The following FRMD4B variants were observed in gnomAD, a reference collection of about 807,000 sequenced individuals.
FRMD4B encodes FERM domain containing 4B, also known as FERM domain-containing protein 4B.
In FRMD4B, 74 loss-of-function variants were observed where a neutral mutation model predicts 141.5. That is an observed-to-expected ratio of 0.52 (90% CI 0.43 to 0.63). FRMD4B has a LOEUF of 0.63. Ranked by LOEUF, FRMD4B falls within the 30% of genes least tolerant of loss-of-function variation. The pLI, the probability that FRMD4B is intolerant of heterozygous loss-of-function variation, is 0.00. For synonymous variants in FRMD4B, 506 were observed against 467.9 expected, an observed-to-expected ratio of 1.08 and a Z score of -1.05; for missense variants, 1,366 against 1,253.4, an observed-to-expected ratio of 1.09 and a Z score of -1.36.
intron 1 of FRMD4B, among the ~76,000 whole-genome samples, chr3:69,530,495 G>A (rs2107153674): frequency 6.6e-6 from 1 of 151,606 alleles, no homozygotes; most frequent in Middle Eastern, 3.4e-3. Flanking sequence ...CTGTGGCTCT[G>A]ACCAGATGCA....
At chr3:69,443,168 G>C (rs1559528862) in intron 1 of FRMD4B, among the ~76,000 whole-genome samples, 1 of 152,180 alleles carries the variant, frequency 6.6e-6, no homozygotes, top group Admixed American at 6.5e-5. Flanking sequence ...CCAGGGAGGG[G>C]AGAGGGGCTG....
intron 2 of FRMD4B, among the ~76,000 whole-genome samples, chr3:69,430,947 A>AG (rs1404767688): frequency 2.6e-5 from 4 of 152,200 alleles, no homozygotes; most frequent in Non-Finnish European, 5.9e-5. Flanking sequence ...CACTTCTCAG[A>AG]GGGGGCTCCT....
At chr3:69,314,138 CAAAAAAAAAAAAAAAAA>C (rs57956106) in intron 1 of FRMD4B, among the ~76,000 whole-genome samples, 5 of 13,176 alleles carry the variant, frequency 3.8e-4, no homozygotes, top group South Asian at 6.3e-3. Flanking sequence ...GACTCCGTCT[CAAAAAAAAAAAAAAAAA>C]AAAAAAAAAA....
At chr3:69,299,949 A>C (rs976925168) in intron 4 of FRMD4B, among the ~76,000 whole-genome samples, 11 of 152,192 alleles carry the variant, frequency 7.2e-5, no homozygotes, top group African/African-American at 2.4e-4. Context: ...GAGGCTCCTA[A>C]AATGAGCGAA....
intron 12 of FRMD4B, among the ~76,000 whole-genome samples, chr3:69,197,560 GGAAAGGGGACGGGGGAGGA>G (rs1253754073): frequency 4.1e-5 from 2 of 49,150 alleles, no homozygotes; most frequent in Non-Finnish European, 2.3e-4. Flanking sequence ...GATGGAAAGA[GGAAAGGGGACGGGGGAGGA>G]GAGAGGAGGA....
chr3:69,263,084 C>T (rs1286980237), intron 5 of FRMD4B, among the ~76,000 whole-genome samples: 1 of 151,892 alleles, frequency 6.6e-6, no homozygotes. Flanking sequence ...TATGGTGAAA[C>T]CCCGTCTCTA....
chr3:69,296,912 A>G (rs1243720462), intron 4 of FRMD4B, among the ~76,000 whole-genome samples: 1 of 152,200 alleles, frequency 6.6e-6, no homozygotes, highest in East Asian at 1.9e-4. Context: ...CATCCCTACA[A>G]TCATTCTACC....
chr3:69,177,726 A>G (rs2092662938), intron 21 of FRMD4B, among the ~76,000 whole-genome samples: 1 of 152,218 alleles, frequency 6.6e-6, no homozygotes, highest in Admixed American at 6.5e-5. Context: ...ATTCTCATAT[A>G]TTGCGAGAAT....
At chr3:69,472,782 G>A (rs544284302) in intron 1 of FRMD4B, among the ~76,000 whole-genome samples, 3 of 152,190 alleles carry the variant, frequency 2.0e-5, no homozygotes, top group Non-Finnish European at 4.4e-5. Flanking sequence ...GTGTTAAGAG[G>A]ACATCCCATG....
chr3:69,191,057 TTAG>T (rs1352079109), intron 17 of FRMD4B, among the ~76,000 whole-genome samples: 4 of 152,202 alleles, frequency 2.6e-5, no homozygotes, highest in Non-Finnish European at 4.4e-5. Context: ...ACTTAAATCT[TTAG>T]TTAACTAGAC....
intron 1 of FRMD4B, among the ~76,000 whole-genome samples, chr3:69,314,265 C>A (rs1180736140): frequency 7.2e-6 from 1 of 139,328 alleles, no homozygotes. Context: ...CAGTGGCTCA[C>A]TCCTGTAATC....
At chr3:69,516,028 C>T (rs548021645) in intron 1 of FRMD4B, among the ~76,000 whole-genome samples, 1 of 152,126 alleles carries the variant, frequency 6.6e-6, no homozygotes. Context: ...AGTTCAAGAC[C>T]AGCCTGGGCA....
intron 1 of FRMD4B, among the ~76,000 whole-genome samples, chr3:69,532,510 T>C (rs998764012): frequency 3.3e-5 from 5 of 152,218 alleles, no homozygotes; most frequent in South Asian, 2.1e-4. Context: ...CAATACCCAT[T>C]TGACAAATCC....
chr3:69,176,824 C>T (rs1268086261), intron 21 of FRMD4B, among the ~76,000 whole-genome samples, 168 bp from the exon 22 acceptor site: 1 of 152,026 alleles, frequency 6.6e-6, no homozygotes, highest in Non-Finnish European at 1.5e-5. Context: ...GCTATGTGAC[C>T]TTAGGCAAGT....
At chr3:69,314,656 G>A (rs757432613) in intron 1 of FRMD4B, among the ~76,000 whole-genome samples, 7 of 151,832 alleles carry the variant, frequency 4.6e-5, no homozygotes, top group Non-Finnish European at 7.4e-5. Context: ...TCAACATGGT[G>A]AAACCCCCTT....
chr3:69,444,446 A>T (rs2106871299), intron 1 of FRMD4B, among the ~76,000 whole-genome samples: 1 of 152,330 alleles, frequency 6.6e-6, no homozygotes, highest in East Asian at 1.9e-4. Flanking sequence ...AAATCCACAC[A>T]TTTGGTATCA....
At chr3:69,403,589 T>C (rs143931266) in intron 2 of FRMD4B, among the ~76,000 whole-genome samples, 5 of 152,260 alleles carry the variant, frequency 3.3e-5, no homozygotes, top group Non-Finnish European at 7.4e-5. Context: ...ATGTCAGCAC[T>C]ATTCAAACAG....
chr3:69,355,931 A>G (rs1703304744), intron 1 of FRMD4B, among the ~76,000 whole-genome samples: 1 of 152,182 alleles, frequency 6.6e-6, no homozygotes, highest in South Asian at 2.1e-4. Context: ...AGGCTGAAGC[A>G]GGAGAATTGC....
chr3:69,381,217 T>C (rs2106681952), intron 1 of FRMD4B, among the ~76,000 whole-genome samples: 1 of 152,374 alleles, frequency 6.6e-6, no homozygotes, highest in South Asian at 2.1e-4. Flanking sequence ...TCATGGTTTG[T>C]TGGCAAATTA....
Sources: allele counts gnomAD v4.1 joint callset (sites outside exome capture counted in the v4.1 genomes callset), GRCh38; gene constraint gnomAD v4.1.1; transcripts MANE v1.5; gene names NCBI Gene and HGNC (gene_info 2026-07-23, HGNC 2026-07-21).